The following KCNT1 variants were observed in gnomAD, a reference collection of about 807,000 sequenced individuals.
KCNT1 encodes the protein potassium channel subfamily T member 1.
In KCNT1, 78 loss-of-function variants were observed where a neutral mutation model predicts 147.8. That is an observed-to-expected ratio of 0.53 (90% confidence interval 0.44 to 0.64). The LOEUF is 0.64. Among genes scored for constraint, KCNT1 ranks in the 30% least tolerant of loss-of-function variants. The pLI, the probability that KCNT1 is intolerant of heterozygous loss-of-function variation, is 0.00. For synonymous variants in KCNT1, 867 were observed against 748.8 expected (o/e 1.16, Z -2.58); for missense variants, 1,419 against 1,750.3 (o/e 0.81, Z 3.38).
At chr9:135,706,474 G>A (rs1013322165) in intron 1 of KCNT1, among the ~76,000 whole-genome samples, 25 of 152,320 alleles carry the variant, frequency 1.6e-4, no homozygotes, top group South Asian at 4.1e-4. Flanking sequence ...AGCTGCCACC[G>A]TCTCCTCCTT....
At chr9:135,767,659 C>A (rs551082921) in intron 13 of KCNT1, among the ~76,000 whole-genome samples, 2 of 152,184 alleles carry the variant, frequency 1.3e-5, no homozygotes, top group East Asian at 1.9e-4. Flanking sequence ...CTGGCACACA[C>A]CTAGGTGGGG....
At position 135,777,530 on chromosome 9, in the gene KCNT1, G is replaced by GGCC; in HGVS notation, c.2522+20_2522+21insGCC. ...CAACAAGTGAGGCTCCTGGGGCTCA[G>GGCC]CCCACCCCGCCCACCCGGGCCCTCA... On this transcript the variant is annotated intron_variant, in intron 21 of 30. Coordinates refer to ENST00000371757, the MANE Select transcript of KCNT1 (RefSeq NM_020822.3). The GGCC allele has an allele frequency of 1.3e-6, 2 of 1,588,444 alleles. No homozygotes were observed. The highest frequency in any genetic ancestry group is 8.6e-7 in the Non-Finnish European group (1 of 1,166,978).
chr9:135,759,923 G>A (rs529597907), intron 11 of KCNT1, 64 bp downstream of exon 11: 2 of 1,462,436 alleles, frequency 1.4e-6, no homozygotes, highest in African/African-American at 2.8e-5. Flanking sequence ...GCCAGTAGAG[G>A]GAGGGTGCCA....
intron 2 of KCNT1, among the ~76,000 whole-genome samples, chr9:135,727,877 A>G (rs1836284128): frequency 6.6e-6 from 1 of 152,202 alleles, no homozygotes; most frequent in Non-Finnish European, 1.5e-5. Context: ...TGGGACTGGG[A>G]CCTGCTGTGC....
At chr9:135,735,567 C>T (rs376942612) in intron 2 of KCNT1, among the ~76,000 whole-genome samples, 26 of 152,242 alleles carry the variant, frequency 1.7e-4, no homozygotes, top group African/African-American at 5.8e-4. Flanking sequence ...AACAGGCAGC[C>T]GGCTCCGGGA....
At chr9:135,738,969 CCCG>C (rs1225477526) in intron 2 of KCNT1, among the ~76,000 whole-genome samples, 1 of 152,102 alleles carries the variant, frequency 6.6e-6, no homozygotes, top group African/African-American at 2.4e-5. Context: ...TCAGTGAGAC[CCCG>C]CTGCATCAGG....
intron 2 of KCNT1, among the ~76,000 whole-genome samples, chr9:135,746,121 G>A (rs1013872189): frequency 5.9e-5 from 9 of 152,238 alleles, no homozygotes; most frequent in Non-Finnish European, 1.0e-4. Flanking sequence ...GGTGGTGCTC[G>A]GAGAAGTGGG....
rs1236366069 is a variant in KCNT1 at position 135,786,445 on chromosome 9, G to C, written c.3426G>C (p.Arg1142=). The change falls in exon 29 of 31, where the codon CGG becomes CGC. Residue 1142 remains arginine (R), a synonymous_variant. Transcript: ENST00000371757. The part of the protein sequence containing the change: ...WISQQRLSLY[R]RSERQELSEL... ...GCCAGCAGCGCCTCAGCCTGTACCGGCGCTCTGAGCGCCAGGAGCTCTCCG... is the reference window on the plus strand; with the variant it reads ...GCCAGCAGCGCCTCAGCCTGTACCGCCGCTCTGAGCGCCAGGAGCTCTCCG... 6.3e-7 allele frequency: 1 copy of C among 1,597,956 alleles called. No homozygotes were observed.
At chr9:135,750,304 G>A (rs952294118) in intron 3 of KCNT1, 127 bp downstream of exon 3, 1 of 718,894 alleles carries the variant, frequency 1.4e-6, no homozygotes, top group Non-Finnish European at 2.5e-6. Flanking sequence ...AGCCACCTGA[G>A]TGCTGCGGGG....
intron 2 of KCNT1, among the ~76,000 whole-genome samples, chr9:135,738,881 G>A (rs1266585773): frequency 3.9e-5 from 6 of 152,278 alleles, no homozygotes; most frequent in South Asian, 2.1e-4. Flanking sequence ...ATTAGACAGC[G>A]TGGCTTCAGT....
At chr9:135,775,922 T>C (rs1833138922) in intron 20 of KCNT1, among the ~76,000 whole-genome samples, 1 of 152,072 alleles carries the variant, frequency 6.6e-6, no homozygotes, top group Non-Finnish European at 1.5e-5. Context: ...TCCCTTAATC[T>C]GGAATGTTCC....
rs759819281 is a variant in KCNT1 at position 135,770,998 on chromosome 9, C to G, written c.1911C>G (p.Phe637Leu). Residue 637 changes from phenylalanine to leucine, a missense_variant, in exon 18 of 31, where the codon TTC (phenylalanine) becomes TTG (leucine). By Grantham distance (22) the Phe-to-Leu change is conservative (BLOSUM62 0). This residue lies in a region of KCNT1 where 284 missense variants were observed against 292.8 expected (regional missense o/e 0.97). Coordinates refer to ENST00000371757, the MANE Select transcript of KCNT1 (RefSeq NM_020822.3). The part of the protein sequence containing the change: ...ITKEENSAFI[F>L]KQEEKRKKRA... ...AGGAGGAGAACTCGGCCTTCATCTT[C>G]AAGCAGGAGGAGAAGCGGAAGAAGA... 3 of 1,613,818 alleles carry G rather than the reference C, an allele frequency of 1.9e-6. No individual in the cohort carries two copies. Among genetic ancestry groups the G allele is most frequent in the Non-Finnish European group, 2.5e-6 (3 of 1,179,918 alleles).
intron 10 of KCNT1, among the ~76,000 whole-genome samples, chr9:135,759,425 A>G (rs949122964): frequency 2.0e-5 from 3 of 152,224 alleles, no homozygotes; most frequent in African/African-American, 4.8e-5. Context: ...CGCCGTGAAC[A>G]GAGGCCGCCA....
intron 29 of KCNT1, among the ~76,000 whole-genome samples, chr9:135,788,810 G>A (rs1351594514): frequency 6.6e-6 from 1 of 152,218 alleles, no homozygotes; most frequent in Non-Finnish European, 1.5e-5. Flanking sequence ...AACATGCTGT[G>A]CCCCGTCAGT....
At chr9:135,707,288 G>A (rs1007919397) in intron 1 of KCNT1, among the ~76,000 whole-genome samples, 7 of 152,144 alleles carry the variant, frequency 4.6e-5, no homozygotes, top group Admixed American at 1.3e-4. Context: ...GGAGAGGGGC[G>A]GCTTCTCCTC....
chr9:135,756,974 C>G (rs1831524636), intron 7 of KCNT1, 42 bp downstream of exon 7: 3 of 818,656 alleles, frequency 3.7e-6, no homozygotes, highest in Non-Finnish European at 5.0e-6. Context: ...GGGGTCCCCA[C>G]CCTCCCCACC....
chr9:135,739,886 G>A (rs1043762156), intron 2 of KCNT1, among the ~76,000 whole-genome samples: 12 of 152,170 alleles, frequency 7.9e-5, no homozygotes, highest in Non-Finnish European at 1.2e-4. Flanking sequence ...CCAGGCCCTC[G>A]GGGGACACCA....
chr9:135,703,908 T>A (rs888449523), intron 1 of KCNT1, among the ~76,000 whole-genome samples: 3 of 152,210 alleles, frequency 2.0e-5, no homozygotes, highest in Non-Finnish European at 2.9e-5. Flanking sequence ...TGGACTGAGC[T>A]GGCCTCCGTT....
chr9:135,751,476 C>T (rs561961433), intron 4 of KCNT1, among the ~76,000 whole-genome samples: 1 of 152,258 alleles, frequency 6.6e-6, no homozygotes, highest in Admixed American at 6.5e-5. Context: ...AGTCCCCTCC[C>T]CAGGGCCCAT....
Sources: gnomAD v4.1 joint callset for allele counts (sites outside exome capture counted in the v4.1 genomes callset) on GRCh38, gnomAD v4.1.1 for gene constraint, gnomAD v4.1.1 regional missense constraint, MANE v1.5 for transcripts, NCBI Gene and HGNC (gene_info 2026-07-23, HGNC 2026-07-21) for gene names.